The following ACTN2 variants were observed in gnomAD, a reference collection of about 807,000 sequenced individuals.
The protein encoded by ACTN2 is alpha-actinin-2.
ACTN2 carries 39 observed loss-of-function variants against 113.8 expected under a neutral mutation model. The observed-to-expected ratio is 0.34, with a 90% CI of 0.27 to 0.45. The LOEUF (loss-of-function observed/expected upper bound fraction) is 0.45. Among genes scored for constraint, ACTN2 ranks in the 20% least tolerant of loss-of-function variants. The pLI, the probability that ACTN2 is intolerant of heterozygous loss-of-function variation, is 1.00. For missense variants in ACTN2, 992 were observed against 1,177.9 expected, an observed-to-expected ratio of 0.84 and a Z score of 2.31; for synonymous variants, 429 against 444.1, an observed-to-expected ratio of 0.97 and a Z score of 0.43.
At chr1:236,698,713 A>T (rs918594970) in intron 1 of ACTN2, among the ~76,000 whole-genome samples, 1 of 152,242 alleles carries the variant, frequency 6.6e-6, no homozygotes, top group Non-Finnish European at 1.5e-5. Flanking sequence ...AGTAAAAGTG[A>T]TAATATGTGG....
intron 5 of ACTN2, among the ~76,000 whole-genome samples, chr1:236,727,008 C>G (rs1658570234): frequency 6.6e-6 from 1 of 152,192 alleles, no homozygotes; most frequent in Non-Finnish European, 1.5e-5. Context: ...CTTTGAGGAA[C>G]AGAACTCCCA....
chr1:236,724,708 A>G (rs1199826818), intron 4 of ACTN2, among the ~76,000 whole-genome samples: 1 of 152,144 alleles, frequency 6.6e-6, no homozygotes, highest in African/African-American at 2.4e-5. Context: ...CTCAGTGGGA[A>G]TGCAGGGGTG....
At chr1:236,694,634 G>A (rs6666234) in intron 1 of ACTN2, among the ~76,000 whole-genome samples, 141,961 of 152,254 alleles carry the variant, frequency 0.93, 66,285 homozygotes, top group African/African-American at 0.96. Flanking sequence ...ATCTTTTTTG[G>A]CAGTCTTTAT....
At position 236,720,169 on chromosome 1, in the gene ACTN2, T is replaced by G; in HGVS notation, c.426T>G (p.Ala142=). ...TCTGGACCATCATCCTTCGCTTTGCTATTCAGGATATTTCGGTTGAAGGTA... is the reference window on the plus strand; with the variant it reads ...TCTGGACCATCATCCTTCGCTTTGCGATTCAGGATATTTCGGTTGAAGGTA... The part of the protein sequence containing the change: ...GMIWTIILRF[A]IQDISVEETS... Residue 142 remains alanine (A), a synonymous_variant, in exon 4 of 21, where the codon GCT becomes GCG. Coordinates refer to ENST00000366578, the MANE Select transcript of ACTN2 (RefSeq NM_001103.4). 1 of 1,613,516 alleles carries G rather than the reference T, an allele frequency of 6.2e-7. No individual in the cohort carries two copies.
chr1:236,759,104 A>C (rs1330903607), intron 18 of ACTN2, among the ~76,000 whole-genome samples: 1 of 152,196 alleles, frequency 6.6e-6, no homozygotes, highest in African/African-American at 2.4e-5. Flanking sequence ...GCATAAGTAA[A>C]AAATTATCCA....
chr1:236,737,587 T>C (rs909227557), intron 9 of ACTN2, among the ~76,000 whole-genome samples: 2 of 150,134 alleles, frequency 1.3e-5, no homozygotes, highest in Non-Finnish European at 3.0e-5. Context: ...CAACATCACA[T>C]AGGATGCACT....
chr1:236,694,765 G>T (rs546683133), intron 1 of ACTN2, among the ~76,000 whole-genome samples: 2 of 152,092 alleles, frequency 1.3e-5, no homozygotes, highest in South Asian at 4.2e-4. Context: ...GATTTTTATT[G>T]TAAGTCTGAG....
chr1:236,718,017 A>T (rs528956002), intron 2 of ACTN2, 45 bp downstream of exon 2: 1 of 1,437,968 alleles, frequency 7.0e-7, no homozygotes, highest in African/African-American at 1.4e-5. Flanking sequence ...TGTTATCAGT[A>T]GGTGAGCATC....
intron 6 of ACTN2, among the ~76,000 whole-genome samples, chr1:236,730,217 G>A (rs1170784380): frequency 6.6e-6 from 1 of 151,832 alleles, no homozygotes; most frequent in Non-Finnish European, 1.5e-5. Context: ...AAATGAGATA[G>A]CTTTCACAAA....
rs188903437 is a variant in ACTN2, at chr1:236,745,511, C to T, written c.1406+735C>T. ...GTGTGCAGAAGAGACGTCAGGACCC[C>T]ACTTTGCTTTATCATCCCCTAAGTG... On this transcript the variant is annotated intron_variant, in intron 12 of 20. Coordinates refer to ENST00000366578, the MANE Select transcript of ACTN2 (RefSeq NM_001103.4). Among the ~76,000 whole-genome samples the T allele has an allele frequency of 6.2e-4, 95 of 152,328 alleles. 1 individual carries two copies. Among genetic ancestry groups the T allele is most frequent in the African/African-American group, 2.3e-3 (95 of 41,580 alleles).
intron 10 of ACTN2, 101 bp from the exon 11 acceptor site, chr1:236,742,795 T>C: frequency 6.9e-7 from 1 of 1,448,386 alleles, no homozygotes; most frequent in African/African-American, 1.4e-5. Context: ...GAAAACACCA[T>C]CAAAATGTAG....
In ACTN2 at chr1:236,747,771, T is replaced by C. The variant is rs1659281594; in HGVS notation, c.1511T>C (p.Leu504Pro). 6.2e-7 allele frequency: 1 copy of C among 1,612,310 alleles called. No individual in the cohort carries two copies. The highest frequency in any genetic ancestry group is 1.7e-5 in the Admixed American group (1 of 59,954). The change falls in exon 13 of 21, where the codon CTA becomes CCA. Residue 504 changes from leucine to proline, a missense_variant. Leu to Pro is a moderately conservative substitution (Grantham distance 98, BLOSUM62 -3). Transcript: ENST00000366578. ...GTLTQKRREA[L>P]ERMEKLLETI... Reference sequence around the variant, plus strand: ...CTTACTCAGAAGAGGAGAGAAGCCCTAGAGGTGAAGTATTGAAGCCACTTG... The same window carrying C: ...CTTACTCAGAAGAGGAGAGAAGCCCCAGAGGTGAAGTATTGAAGCCACTTG...
intron 1 of ACTN2, among the ~76,000 whole-genome samples, chr1:236,695,563 T>TCCCACCCCCCC (rs1657467960): frequency 9.9e-6 from 1 of 100,796 alleles, no homozygotes; most frequent in African/African-American, 4.1e-5. Flanking sequence ...TGAAATGAGT[T>TCCCACCCCCCC]CCCCCCCCCT....
intron 10 of ACTN2, among the ~76,000 whole-genome samples, chr1:236,741,611 T>C (rs1659068580): frequency 6.6e-6 from 1 of 152,200 alleles, no homozygotes; most frequent in African/African-American, 2.4e-5. Flanking sequence ...GCCAGTCCCA[T>C]TGGCTCTTCT....
intron 11 of ACTN2, among the ~76,000 whole-genome samples, chr1:236,744,167 C>T (rs1387104295): frequency 1.3e-5 from 2 of 152,112 alleles, no homozygotes; most frequent in East Asian, 3.9e-4. Context: ...GCACAGGCTC[C>T]ATTTAAGCAC....
intron 1 of ACTN2, among the ~76,000 whole-genome samples, chr1:236,705,371 A>G (rs1196322722): frequency 3.3e-5 from 5 of 152,242 alleles, no homozygotes; most frequent in Non-Finnish European, 7.3e-5. Flanking sequence ...ACAAATATAA[A>G]GATGAATATT....
At chr1:236,723,845 TGTTA>T (rs376677011) in intron 4 of ACTN2, among the ~76,000 whole-genome samples, 4 of 152,068 alleles carry the variant, frequency 2.6e-5, no homozygotes, top group Non-Finnish European at 4.4e-5. Context: ...GAAGGCCCCA[TGTTA>T]GTTAGGAATC....
intron 1 of ACTN2, among the ~76,000 whole-genome samples, chr1:236,695,563 T>TACC (rs1553296741): frequency 3.0e-5 from 3 of 100,788 alleles, no homozygotes; most frequent in Non-Finnish European, 5.8e-5. Flanking sequence ...TGAAATGAGT[T>TACC]CCCCCCCCCT....
In ACTN2 at chr1:236,744,606, T is replaced by G. The variant is rs959475027; in HGVS notation, c.1256-20T>G. The G allele has an allele frequency of 6.2e-7, 1 of 1,613,850 alleles. No homozygotes were observed. Among genetic ancestry groups the G allele is most frequent in the Non-Finnish European group, 8.5e-7 (1 of 1,179,968 alleles). On this transcript the variant is annotated intron_variant, in intron 11 of 20. Transcript: ENST00000366578. ...CTGTGCCCTCAGCATATTCATACTT[T>G]CTTGCTACCACCTTTGCAGGCAAAG... is the stretch of plus-strand genomic sequence containing the variant.
Sources: allele counts gnomAD v4.1 joint callset (sites outside exome capture counted in the v4.1 genomes callset), GRCh38; gene constraint gnomAD v4.1.1; transcripts MANE v1.5; gene names NCBI Gene and HGNC (gene_info 2026-07-23, HGNC 2026-07-21).